KPNA1: variants seen among roughly 807,000 people sequenced by gnomAD.
The protein encoded by KPNA1 is importin subunit alpha-5.
In KPNA1, 10 loss-of-function variants were observed where a neutral mutation model predicts 70.5. The observed-to-expected ratio is 0.14, with a 90% CI of 0.09 to 0.24. The LOEUF is 0.24. Ranked by LOEUF, KPNA1 falls within the 10% of genes least tolerant of loss-of-function variation. The probability of loss-of-function intolerance (pLI) is 1.00; values close to 1 mark genes in which losing one functional copy is unlikely to be tolerated. For synonymous variants in KPNA1, 192 were observed against 221.9 expected, an observed-to-expected ratio of 0.87 and a Z score of 1.20; for missense variants, 397 against 637.9, an observed-to-expected ratio of 0.62 and a Z score of 4.07.
intron 4 of KPNA1, among the ~76,000 whole-genome samples, chr3:122,463,142 G>C (rs866423855): frequency 2.0e-5 from 3 of 152,090 alleles, no homozygotes; most frequent in East Asian, 1.9e-4. Flanking sequence ...ACAAGGTCAG[G>C]AGATCGAGAT....
intron 5 of KPNA1, among the ~76,000 whole-genome samples, chr3:122,458,403 G>C (rs1214861713): frequency 6.6e-6 from 1 of 152,146 alleles, no homozygotes; most frequent in South Asian, 2.1e-4. Flanking sequence ...TCAGCACCTG[G>C]GTAGCAATGC....
chr3:122,462,855 G>A lies in KPNA1; in HGVS notation c.337+1087C>T, dbSNP rs559503153. ...AGTATTTACTACCAACGTTATAATC[G>A]GGTTCAGAATTCTTTTTACTTGCCC... On this transcript the variant is annotated intron_variant, in intron 4 of 13. Transcript: ENST00000344337. 9.9e-5 allele frequency among the ~76,000 whole-genome samples: 15 copies of A among 152,006 alleles called. 1 individual carries two copies. In the South Asian group the frequency reaches 3.1e-3, roughly 32 times the overall value.
chr3:122,427,248 A>G, intron 13 of KPNA1, 76 bp from the exon 14 acceptor site: 1 of 1,084,574 alleles, frequency 9.2e-7, no homozygotes, highest in Admixed American at 2.3e-5. Context: ...ATATATTCCT[A>G]AACTATATTT....
chr3:122,513,113 GGA>G (rs2076973899), intron 1 of KPNA1, among the ~76,000 whole-genome samples: 1 of 152,172 alleles, frequency 6.6e-6, no homozygotes, highest in Non-Finnish European at 1.5e-5. Flanking sequence ...AAGTATGAAA[GGA>G]GAGAAATAAT....
At chr3:122,454,080 C>A in intron 5 of KPNA1, 79 bp from the exon 6 acceptor site, 1 of 978,088 alleles carries the variant, frequency 1.0e-6, no homozygotes, top group Admixed American at 3.0e-5. Flanking sequence ...ATTTTCTGTA[C>A]ATGAAAAAAA....
intron 2 of KPNA1, among the ~76,000 whole-genome samples, chr3:122,471,815 C>T (rs557625525): frequency 1.4e-3 from 219 of 152,192 alleles, no homozygotes; most frequent in African/African-American, 5.1e-3. Context: ...CGGAGTTGTC[C>T]GTAATAATTT....
At chr3:122,449,840 G>A (rs926626725) in intron 8 of KPNA1, 103 bp from the exon 9 acceptor site, 4 of 851,740 alleles carry the variant, frequency 4.7e-6, no homozygotes, top group African/African-American at 3.5e-5. Flanking sequence ...TGACTTCTAG[G>A]GTGATTTACA....
chr3:122,495,726 C>CAAAAAAAAAAAAAAAAAA (rs397876048), intron 2 of KPNA1, among the ~76,000 whole-genome samples: 1 of 67,948 alleles, frequency 1.5e-5, no homozygotes, highest in Non-Finnish European at 2.6e-5. Context: ...CTCTCCTTAG[C>CAAAAAAAAAAAAAAAAAA]AAAAAAAAAA....
chr3:122,473,008 G>T (rs1373352952), intron 2 of KPNA1, among the ~76,000 whole-genome samples: 1 of 152,144 alleles, frequency 6.6e-6, no homozygotes, highest in East Asian at 1.9e-4. Flanking sequence ...CTGGACCCGG[G>T]AGGCAGAGGT....
At chr3:122,482,372 A>G (rs994922590) in intron 2 of KPNA1, among the ~76,000 whole-genome samples, 1 of 152,246 alleles carries the variant, frequency 6.6e-6, no homozygotes, top group African/African-American at 2.4e-5. Context: ...GTACATGACT[A>G]TATATGAAAA....
intron 3 of KPNA1, 118 bp from the exon 4 acceptor site, chr3:122,464,159 T>C (rs530894235): frequency 8.3e-6 from 4 of 482,362 alleles, no homozygotes; most frequent in African/African-American, 5.9e-5. Context: ...AGAAGTTACA[T>C]AAAGGTAGGA....
At chr3:122,464,259 T>C (rs1367458677) in intron 3 of KPNA1, 2 of 374,582 alleles carry the variant, frequency 5.3e-6, no homozygotes, top group Admixed American at 9.0e-5. Context: ...CAGTAGAAAG[T>C]GATCTTACTA....
intron 10 of KPNA1, 74 bp downstream of exon 10, chr3:122,441,964 G>C (rs1039129659): frequency 1.2e-5 from 13 of 1,041,964 alleles, no homozygotes; most frequent in Non-Finnish European, 1.6e-5. Flanking sequence ...AGTAAAATAC[G>C]ATAATAGAAA....
At chr3:122,434,912 T>C (rs1017720859) in intron 11 of KPNA1, among the ~76,000 whole-genome samples, 1 of 152,218 alleles carries the variant, frequency 6.6e-6, no homozygotes, top group African/African-American at 2.4e-5. Flanking sequence ...TAGATTGTTA[T>C]AGCTATTAAT....
chr3:122,497,866 C>T (rs1046252308), intron 1 of KPNA1, among the ~76,000 whole-genome samples: 1 of 151,948 alleles, frequency 6.6e-6, no homozygotes, highest in Non-Finnish European at 1.5e-5. Context: ...ACTGTCTTTT[C>T]ACTTTCTTGG....
At chr3:122,509,568 C>T (rs1023052967) in intron 1 of KPNA1, among the ~76,000 whole-genome samples, 1 of 152,012 alleles carries the variant, frequency 6.6e-6, no homozygotes, top group East Asian at 1.9e-4. Context: ...CAGAAAGATC[C>T]CCAAATCAAT....
chr3:122,427,008 G>A lies in KPNA1; in HGVS notation c.1594C>T (p.Pro532Ser), dbSNP rs15660. Residue 532 changes from proline to serine, a missense_variant, in exon 14 of 14, where the codon CCT becomes TCT. Physicochemically the swap from Pro to Ser is moderately conservative, Grantham distance 74. Transcript: ENST00000344337. The stretch of plus-strand genomic sequence containing the variant: ...CTTCAAAGCTGGAAACCTTCCATAG[G>A]AGCCTCACACTGTTGGAAGATGTAC... ...QQYIFQQCEA[P>S]MEGFQL The A allele has an allele frequency of 6.2e-7, 1 of 1,613,984 alleles. No individual in the cohort carries two copies. Among genetic ancestry groups the A allele is most frequent in the Non-Finnish European group, 8.5e-7 (1 of 1,180,000 alleles).
intron 9 of KPNA1, among the ~76,000 whole-genome samples, chr3:122,444,258 T>C (rs2076105218): frequency 6.6e-6 from 1 of 152,204 alleles, no homozygotes; most frequent in Admixed American, 6.5e-5. Context: ...CTTGTTCTTT[T>C]AGAATGCCCA....
intron 8 of KPNA1, among the ~76,000 whole-genome samples, chr3:122,450,228 T>G (rs2076183953): frequency 6.6e-6 from 1 of 151,828 alleles, no homozygotes; most frequent in Non-Finnish European, 1.5e-5. Flanking sequence ...CATCAAAAAG[T>G]GGGCTAAGGA....
Sources: allele counts gnomAD v4.1 joint callset (sites outside exome capture counted in the v4.1 genomes callset), GRCh38; gene constraint gnomAD v4.1.1; transcripts MANE v1.5; gene names NCBI Gene and HGNC (gene_info 2026-07-23, HGNC 2026-07-21).